ASMTL: variants seen among roughly 807,000 people sequenced by gnomAD.
ASMTL encodes the protein acetylserotonin O-methyltransferase like, also known as probable bifunctional dTTP/UTP pyrophosphatase/methyltransferase protein.
ASMTL carries 57 observed loss-of-function variants against 60.3 expected under a neutral mutation model. The observed-to-expected ratio is 0.95, with a 90% CI of 0.76 to 1.18. The LOEUF is 1.18. Among genes scored for constraint, ASMTL ranks in the 50% most tolerant of loss-of-function variants. The probability of loss-of-function intolerance (pLI) is 0.00; values close to 1 mark genes in which losing one functional copy is unlikely to be tolerated. For synonymous variants in ASMTL, 419 were observed against 373.0 expected, an observed-to-expected ratio of 1.12 and a Z score of -1.42; for missense variants, 981 against 852.6, an observed-to-expected ratio of 1.15 and a Z score of -1.88.
chrX:1,432,158 C>T (rs765537194), intron 6 of ASMTL, 111 bp downstream of exon 6: 13 of 857,546 alleles, frequency 1.5e-5, no homozygotes, highest in South Asian at 1.4e-4. Context: ...GCCACACGGC[C>T]CCCGGAGCGG....
intron 2 of ASMTL, among the ~76,000 whole-genome samples, chrX:1,441,013 ATAG>A (rs1260665170): frequency 7.9e-5 from 12 of 152,094 alleles, no homozygotes; most frequent in African/African-American, 1.4e-4. Context: ...ATCTTAAATG[ATAG>A]TAGTATATTA....
chrX:1,439,969 G>A (rs1404785985), intron 2 of ASMTL, among the ~76,000 whole-genome samples: 1 of 151,952 alleles, frequency 6.6e-6, no homozygotes, highest in Non-Finnish European at 1.5e-5. Context: ...GTGCAGCTTT[G>A]ACCTTAGCTC....
chrX:1,437,242 G>A (rs111810539), intron 3 of ASMTL, among the ~76,000 whole-genome samples: 26,291 of 150,856 alleles, frequency 0.17, 2,544 homozygotes, highest in Middle Eastern at 0.3. Context: ...TGTAGACGCC[G>A]TCTTCTCCCT....
Position 1,432,358 on chromosome X carries a change from C to G in ASMTL, c.420G>C (p.Arg140Ser), listed in dbSNP as rs1294385838. 1 of 1,612,886 alleles carries G rather than the reference C, an allele frequency of 6.2e-7. No individual in the cohort carries two copies. Among genetic ancestry groups the G allele is most frequent in the Non-Finnish European group, 8.5e-7 (1 of 1,179,694 alleles). ...CSSKDHQLDT[R>S]VSEFYEETKV... ...TCGTTTCCTCGTAGAATTCCGAGAC[C>G]CTGGTGTCCAGCTGATGGTCTGCAA... is the stretch of plus-strand genomic sequence containing the variant. Residue 140 changes from arginine to serine, a missense_variant, in exon 6 of 13, where the codon AGG becomes AGC. By Grantham distance (110) the Arg-to-Ser change is moderately radical. Transcript: ENST00000381317.
intron 1 of ASMTL, among the ~76,000 whole-genome samples, chrX:1,443,934 C>T (rs1188897497): frequency 6.6e-5 from 10 of 152,264 alleles, no homozygotes; most frequent in Non-Finnish European, 1.0e-4. Flanking sequence ...CAGACACCCC[C>T]GTCTTGGACA....
chrX:1,419,624 A>C (rs2090419582), intron 9 of ASMTL, among the ~76,000 whole-genome samples: 1 of 152,004 alleles, frequency 6.6e-6, no homozygotes, highest in Non-Finnish European at 1.5e-5. Context: ...CGGGTCCCAG[A>C]GGAGCCCAGG....
chrX:1,419,166 G>A (rs369482034), intron 9 of ASMTL, 52 bp from the exon 10 acceptor site: 40 of 1,592,664 alleles, frequency 2.5e-5, no homozygotes, highest in South Asian at 2.5e-4. Flanking sequence ...GCGAGGGCTC[G>A]CCCAGCCTCT....
At chrX:1,453,705 G>C (rs1264154305), upstream of ASMTL, 1 of 151,344 alleles carries the variant, frequency 6.6e-6, no homozygotes, top group Non-Finnish European at 1.5e-5. Flanking sequence ...CCGCGGACCC[G>C]GTGCGAGTGG....
At chrX:1,431,952 G>C (rs1470607050) in intron 6 of ASMTL, 1 of 393,168 alleles carries the variant, frequency 2.5e-6, no homozygotes, top group Non-Finnish European at 4.6e-6. Flanking sequence ...AGCGTCCTGG[G>C]CACAGACCTC....
intron 12 of ASMTL, among the ~76,000 whole-genome samples, chrX:1,410,949 TC>T (rs1302585745): frequency 6.7e-6 from 1 of 149,914 alleles, no homozygotes; most frequent in East Asian, 2.0e-4. Context: ...ACTTTGGGAG[TC>T]CCAGCTGGGT....
intron 5 of ASMTL, among the ~76,000 whole-genome samples, chrX:1,434,489 CA>C (rs34994213): frequency 2.1e-3 from 238 of 113,768 alleles, no homozygotes; most frequent in Non-Finnish European, 2.3e-3. Flanking sequence ...GACCCTGTCT[CA>C]AAAAAAAAAA....
chrX:1,419,062 T>G lies in ASMTL; in HGVS notation c.1298A>C (p.His433Pro). The change falls in exon 10 of 13, where the codon CAC (histidine) becomes CCC (proline). Residue 433 changes from histidine (H) to proline (P), a missense_variant. By Grantham distance (77) the His-to-Pro change is moderately conservative (BLOSUM62 -2). Transcript: ENST00000381317. Reference protein sequence around the residue: ...ETRLRFMRAMHGMTKLTACQV... With the variant: ...ETRLRFMRAMPGMTKLTACQV... ...GCACGCAGTCAGCTTCGTCATGCCG[T>G]GCATGGCCCGCATGAACCTCAGCCG... The G allele has an allele frequency of 6.2e-7, 1 of 1,611,392 alleles. No homozygotes were observed. Among genetic ancestry groups the G allele is most frequent in the Non-Finnish European group, 8.5e-7 (1 of 1,179,582 alleles).
chrX:1,446,446 G>A (rs1411428124), intron 1 of ASMTL, among the ~76,000 whole-genome samples: 3 of 150,918 alleles, frequency 2.0e-5, no homozygotes, highest in Admixed American at 1.3e-4. Flanking sequence ...TCATGCCTCC[G>A]CACACAGGGA....
chrX:1,442,992 G>A (rs749729664), intron 1 of ASMTL, among the ~76,000 whole-genome samples: 16 of 152,282 alleles, frequency 1.1e-4, no homozygotes, highest in East Asian at 3.9e-4. Flanking sequence ...CAAAAGCATC[G>A]CCATCTTGGA....
At chrX:1,412,928 G>T in intron 11 of ASMTL, 74 bp from the exon 12 acceptor site, 1 of 1,544,832 alleles carries the variant, frequency 6.5e-7, no homozygotes, top group Non-Finnish European at 8.9e-7. Flanking sequence ...ATCCTGGGAC[G>T]GCCACCCGCA....
intron 12 of ASMTL, among the ~76,000 whole-genome samples, chrX:1,404,268 T>C: frequency 6.6e-6 from 1 of 150,584 alleles, no homozygotes; most frequent in Non-Finnish European, 1.5e-5. Context: ...GATGGATGCA[T>C]GGATGAGATG....
Position 1,441,942 on chromosome X carries a change from G to A in ASMTL, c.225+244C>T, listed in dbSNP as rs190122900. 809 of 518,518 alleles carry A rather than the reference G, an allele frequency of 1.6e-3. 9 individuals carry two copies. Among genetic ancestry groups the A allele is most frequent in the African/African-American group, 0.014 (744 of 52,210 alleles). The allele number at this position is 518,518 out of a possible 1,614,324, so 32.1% of individuals were successfully genotyped here. A position where few individuals can be genotyped will look rare whatever the true frequency, so the allele number is the denominator to read the frequency against. Reference sequence around the variant, plus strand: ...TTAATTGTATATCATCAATGATACTGTATCAATTGCAAGAGAATATTATAA... The same window carrying A: ...TTAATTGTATATCATCAATGATACTATATCAATTGCAAGAGAATATTATAA... On this transcript the variant is annotated intron_variant, in intron 2 of 12. Transcript: ENST00000381317.
rs372967141 is a variant in ASMTL, at chrX:1,418,972, G to A, written c.1378+10C>T. ...AAAGTAAGGAGAGCCCTGGCGGGGG[G>A]GCCACCCACCTCCCACGTCGCAGGC... On this transcript the variant is annotated intron_variant, in intron 10 of 12. Transcript: ENST00000381317. The A allele has an allele frequency of 9.9e-5, 159 of 1,611,646 alleles. No individual in the cohort carries two copies. Among genetic ancestry groups the A allele is most frequent in the Non-Finnish European group, 1.2e-4 (141 of 1,179,804 alleles).
At chrX:1,416,244 CACAG>C (rs772709849) in intron 11 of ASMTL, among the ~76,000 whole-genome samples, 98 of 149,690 alleles carry the variant, frequency 6.5e-4, no homozygotes, top group Middle Eastern at 3.5e-3. Context: ...CACAGATGGG[CACAG>C]ACAGACACGC....
Sources: allele counts gnomAD v4.1 joint callset (sites outside exome capture counted in the v4.1 genomes callset), GRCh38; gene constraint gnomAD v4.1.1; transcripts MANE v1.5; gene names NCBI Gene and HGNC (gene_info 2026-07-23, HGNC 2026-07-21).